The following PTPRR variants were observed in gnomAD, a reference collection of about 807,000 sequenced individuals.
PTPRR encodes receptor-type tyrosine-protein phosphatase R.
A neutral mutation model predicts 77.2 loss-of-function variants in PTPRR; 38 were observed. The ratio of observed to expected loss-of-function variants is 0.49; its 90% CI spans 0.38 to 0.65. The LOEUF (loss-of-function observed/expected upper bound fraction) is 0.65, where lower values mean the gene tolerates loss of function less well. Ranked by LOEUF, PTPRR falls within the 30% of genes least tolerant of loss-of-function variation. The probability of loss-of-function intolerance (pLI) is 0.00; values close to 1 mark genes in which losing one functional copy is unlikely to be tolerated. For missense variants in PTPRR, 744 were observed against 799.2 expected (o/e 0.93, Z 0.83); for synonymous variants, 299 against 283.1 (o/e 1.06, Z -0.57).
At chr12:70,896,285 A>G (rs1270549456) in intron 1 of PTPRR, among the ~76,000 whole-genome samples, 1 of 151,696 alleles carries the variant, frequency 6.6e-6, no homozygotes, top group Non-Finnish European at 1.5e-5. Flanking sequence ...TTATCATTGA[A>G]GATTTTAACT....
intron 3 of PTPRR, among the ~76,000 whole-genome samples, chr12:70,763,500 A>ACTT (rs1180144932): frequency 2.6e-5 from 4 of 152,200 alleles, no homozygotes; most frequent in Non-Finnish European, 5.9e-5. Flanking sequence ...CAGCTTGTTT[A>ACTT]CTTCTAGAAC....
chr12:70,826,568 G>A (rs889250587), intron 2 of PTPRR, among the ~76,000 whole-genome samples: 1 of 152,180 alleles, frequency 6.6e-6, no homozygotes. Context: ...TAGAGACAAG[G>A]TTTTCCCCAA....
At chr12:70,858,308 G>C (rs912532790) in intron 2 of PTPRR, among the ~76,000 whole-genome samples, 3 of 151,842 alleles carry the variant, frequency 2.0e-5, no homozygotes, top group Non-Finnish European at 4.4e-5. Context: ...TAAATCTCTT[G>C]CCCATCTATT....
intron 5 of PTPRR, among the ~76,000 whole-genome samples, chr12:70,749,703 C>A (rs1890329486): frequency 6.6e-6 from 1 of 151,972 alleles, no homozygotes; most frequent in African/African-American, 2.4e-5. Context: ...CTGCGGCTAC[C>A]AGACTACAAC....
intron 6 of PTPRR, among the ~76,000 whole-genome samples, chr12:70,706,986 T>G (rs1888640897): frequency 6.9e-6 from 1 of 143,934 alleles, no homozygotes; most frequent in African/African-American, 2.5e-5. Context: ...TGGTGATTTT[T>G]GCTTCACTCT....
intron 2 of PTPRR, among the ~76,000 whole-genome samples, chr12:70,873,064 G>C (rs1240239578): frequency 6.6e-5 from 10 of 152,082 alleles, no homozygotes; most frequent in Admixed American, 5.9e-4. Context: ...CCAGTTCAAG[G>C]TTCTTTTTGT....
chr12:70,843,804 GA>G (rs1565715922), intron 2 of PTPRR, among the ~76,000 whole-genome samples: 7 of 145,608 alleles, frequency 4.8e-5, no homozygotes, highest in South Asian at 4.3e-4. Context: ...AAATGTTGCT[GA>G]AAATTTTTTT....
At chr12:70,775,706 C>T (rs939421144) in intron 2 of PTPRR, among the ~76,000 whole-genome samples, 1 of 152,066 alleles carries the variant, frequency 6.6e-6, no homozygotes, top group South Asian at 2.1e-4. Context: ...CCAACAGCCA[C>T]AAAAGGACCA....
intron 2 of PTPRR, among the ~76,000 whole-genome samples, chr12:70,786,909 T>C (rs1891333847): frequency 6.6e-6 from 1 of 152,230 alleles, no homozygotes; most frequent in African/African-American, 2.4e-5. Context: ...AATAATTTTC[T>C]GCATGGTTAA....
At chr12:70,727,892 CT>C (rs1426643254) in intron 6 of PTPRR, among the ~76,000 whole-genome samples, 1 of 152,160 alleles carries the variant, frequency 6.6e-6, no homozygotes, top group African/African-American at 2.4e-5. Flanking sequence ...TAATCAAACT[CT>C]TTTCAAAGCT....
At chr12:70,879,432 T>C (rs1893110710) in intron 2 of PTPRR, among the ~76,000 whole-genome samples, 1 of 151,334 alleles carries the variant, frequency 6.6e-6, no homozygotes, top group Admixed American at 6.6e-5. Context: ...CTCAGAAATG[T>C]TCATTGATTT....
At chr12:70,684,344 G>A (rs1467633985) in intron 9 of PTPRR, 80 bp from the exon 10 acceptor site, 2 of 1,468,250 alleles carry the variant, frequency 1.4e-6, no homozygotes, top group Non-Finnish European at 9.3e-7. Flanking sequence ...GATCTTCAAC[G>A]AAATAGCTGG....
chr12:70,813,285 C>T (rs1366793026), intron 2 of PTPRR, among the ~76,000 whole-genome samples: 1 of 152,110 alleles, frequency 6.6e-6, no homozygotes, highest in Non-Finnish European at 1.5e-5. Flanking sequence ...AAAACTCTAC[C>T]ATCTTTGCAA....
At chr12:70,870,466 G>T (rs1260289713) in intron 2 of PTPRR, among the ~76,000 whole-genome samples, 1 of 152,186 alleles carries the variant, frequency 6.6e-6, no homozygotes, top group Non-Finnish European at 1.5e-5. Context: ...ATTATCACAA[G>T]ATTAAGTTTT....
intron 8 of PTPRR, among the ~76,000 whole-genome samples, chr12:70,687,307 A>ATTTT (rs1887904285): frequency 6.7e-6 from 1 of 149,332 alleles, no homozygotes; most frequent in Non-Finnish European, 1.5e-5. Context: ...TATTTGAAAT[A>ATTTT]AAGATATTTT....
rs555567844 is a variant in PTPRR, at chr12:70,787,958, T to C, written c.358-23180A>G. 2.0e-5 allele frequency among the ~76,000 whole-genome samples: 3 copies of C among 152,342 alleles called. No homozygotes were observed. The East Asian group carries it at 5.8e-4, about 29-fold the overall frequency. On this transcript the variant is annotated intron_variant, in intron 2 of 13. Transcript: ENST00000283228. ...CTAGAACCATTATATTGTTTTTAAA[T>C]ATTGAAACTAAATTCTTATTTTTAA...
At chr12:70,818,166 G>A (rs1891938656) in intron 2 of PTPRR, among the ~76,000 whole-genome samples, 1 of 150,524 alleles carries the variant, frequency 6.6e-6, no homozygotes, top group African/African-American at 2.4e-5. Flanking sequence ...CTCTTGAAAT[G>A]CAGAGGTTGC....
chr12:70,653,486 A>G (rs1374259227), intron 13 of PTPRR, among the ~76,000 whole-genome samples: 2 of 152,152 alleles, frequency 1.3e-5, no homozygotes, highest in Non-Finnish European at 2.9e-5. Flanking sequence ...GGGTAAAGAG[A>G]GGATAAGCAA....
intron 2 of PTPRR, among the ~76,000 whole-genome samples, chr12:70,780,750 T>C (rs1891187188): frequency 6.6e-6 from 1 of 152,198 alleles, no homozygotes; most frequent in African/African-American, 2.4e-5. Context: ...TTTTATTCTG[T>C]GTGGTAGCAG....
Sources: gnomAD v4.1 joint callset for allele counts (sites outside exome capture counted in the v4.1 genomes callset) on GRCh38, gnomAD v4.1.1 for gene constraint, MANE v1.5 for transcripts, NCBI Gene and HGNC (gene_info 2026-07-23, HGNC 2026-07-21) for gene names.